CCBE1: variants seen among roughly 807,000 people sequenced by gnomAD.
CCBE1 encodes the protein collagen and calcium-binding EGF domain-containing protein 1.
In CCBE1, 37 loss-of-function variants were observed where a neutral mutation model predicts 50.0. The observed-to-expected ratio is 0.74, with a 90% CI of 0.57 to 0.97. CCBE1 has a LOEUF of 0.97. Among genes scored for constraint, CCBE1 ranks in the 50% least tolerant of loss-of-function variants. The probability of loss-of-function intolerance (pLI) is 0.00; values close to 1 mark genes in which losing one functional copy is unlikely to be tolerated. For missense variants in CCBE1, 538 were observed against 523.8 expected, an observed-to-expected ratio of 1.03 and a Z score of -0.26; for synonymous variants, 234 against 203.7, an observed-to-expected ratio of 1.15 and a Z score of -1.27.
chr18:59,485,688 G>A (rs1912788015), intron 2 of CCBE1, among the ~76,000 whole-genome samples: 1 of 151,668 alleles, frequency 6.6e-6, no homozygotes, highest in Non-Finnish European at 1.5e-5. Context: ...TCGGCTCCCT[G>A]CAACCTTTGC....
chr18:59,639,580 G>A (rs1007187755), intron 2 of CCBE1, among the ~76,000 whole-genome samples: 1 of 152,138 alleles, frequency 6.6e-6, no homozygotes, highest in African/African-American at 2.4e-5. Context: ...TTGAAAACTG[G>A]CACAAGACAA....
chr18:59,452,049 C>T (rs995426203), intron 6 of CCBE1, among the ~76,000 whole-genome samples: 1 of 152,138 alleles, frequency 6.6e-6, no homozygotes, highest in Non-Finnish European at 1.5e-5. Flanking sequence ...AGTGATAGGT[C>T]CTTTAAGTTT....
intron 2 of CCBE1, among the ~76,000 whole-genome samples, chr18:59,542,276 A>ACTGAATGTCT (rs376065354): frequency 6.6e-6 from 1 of 151,808 alleles, no homozygotes; most frequent in Non-Finnish European, 1.5e-5. Context: ...TCAGGTAGAA[A>ACTGAATGTCT]TCTTAATAAA....
intron 2 of CCBE1, among the ~76,000 whole-genome samples, chr18:59,544,585 C>G (rs1244630509): frequency 6.6e-6 from 1 of 152,188 alleles, no homozygotes; most frequent in Non-Finnish European, 1.5e-5. Context: ...TTTCGAGGTC[C>G]TCTTTTCCAT....
chr18:59,521,876 G>T (rs1476542222), intron 2 of CCBE1, among the ~76,000 whole-genome samples: 2 of 151,210 alleles, frequency 1.3e-5, no homozygotes, highest in African/African-American at 2.5e-5. Context: ...CTTTGGTTGG[G>T]TAAGTTTGGA....
intron 5 of CCBE1, among the ~76,000 whole-genome samples, chr18:59,455,951 G>A (rs998863596): frequency 6.6e-6 from 1 of 152,164 alleles, no homozygotes; most frequent in African/African-American, 2.4e-5. Context: ...GGGGAAGTCG[G>A]GTAATGCGTG....
At chr18:59,546,522 C>A (rs1384420898) in intron 2 of CCBE1, among the ~76,000 whole-genome samples, 3 of 152,222 alleles carry the variant, frequency 2.0e-5, no homozygotes, top group Non-Finnish European at 4.4e-5. Flanking sequence ...CAGTCCCCTG[C>A]AGGAAAGGCC....
At chr18:59,468,083 A>AC (rs1372807705) in intron 4 of CCBE1, among the ~76,000 whole-genome samples, 17 of 151,916 alleles carry the variant, frequency 1.1e-4, no homozygotes, top group African/African-American at 4.1e-4. Context: ...TGGTCCCCAA[A>AC]CCCCCAAACA....
intron 2 of CCBE1, among the ~76,000 whole-genome samples, chr18:59,562,245 T>A (rs1281999811): frequency 6.6e-6 from 1 of 152,176 alleles, no homozygotes. Context: ...GCTGACTGGC[T>A]AGGCATGAAC....
chr18:59,694,073 T>C (rs185496375), intron 2 of CCBE1, among the ~76,000 whole-genome samples: 7 of 152,214 alleles, frequency 4.6e-5, no homozygotes, highest in East Asian at 3.9e-4. Context: ...GGTTTTATCA[T>C]GTTGGCCAGA....
Position 59,583,942 on chromosome 18 carries a change from C to T in CCBE1, c.213-103704G>A, listed in dbSNP as rs113105638. ...TCAACCATTGTGGAAGTCAGTGTGGCGATTCCTCAGGGATCTAGAACAAGA... is the reference window on the plus strand; with the variant it reads ...TCAACCATTGTGGAAGTCAGTGTGGTGATTCCTCAGGGATCTAGAACAAGA... On this transcript the variant is annotated intron_variant, in intron 2 of 10. Coordinates refer to ENST00000439986, the MANE Select transcript of CCBE1 (RefSeq NM_133459.4). Among the ~76,000 whole-genome samples the T allele has an allele frequency of 1.1e-4, 17 of 152,204 alleles. 1 individual carries two copies. Among genetic ancestry groups the T allele is most frequent in the East Asian group, 3.9e-4 (2 of 5,170 alleles).
chr18:59,532,313 G>A (rs1428484475), intron 2 of CCBE1, among the ~76,000 whole-genome samples: 1 of 152,156 alleles, frequency 6.6e-6, no homozygotes, highest in Admixed American at 6.5e-5. Flanking sequence ...CCAAAATGCT[G>A]GGATTATAGG....
chr18:59,435,787 GGAGAA>G lies in CCBE1; in HGVS notation c.*116_*120del. The G allele has an allele frequency of 1.1e-6, 1 of 902,822 alleles. No homozygotes were observed. Among genetic ancestry groups the G allele is most frequent in the South Asian group, 1.3e-5 (1 of 75,614 alleles). 55.9% of individuals were successfully genotyped at this position (902,822 alleles called of 1,614,324 possible). A position where few individuals can be genotyped will look rare whatever the true frequency, so the allele number is the denominator to read the frequency against. ...GAAGAAGAGGAGTGGAGAGACGTCA[GGAGAA>G]GAGAAGAGAAAAATGTATGTTTTCT... is the stretch of plus-strand genomic sequence containing the variant. On this transcript the variant is annotated 3_prime_UTR_variant, in exon 11 of 11. Coordinates refer to ENST00000439986, the MANE Select transcript of CCBE1 (RefSeq NM_133459.4).
chr18:59,544,117 T>C (rs903778352), intron 2 of CCBE1, among the ~76,000 whole-genome samples: 6 of 152,214 alleles, frequency 3.9e-5, no homozygotes, highest in Admixed American at 2.0e-4. Flanking sequence ...TAAAATAATT[T>C]ATAAAATATC....
intron 2 of CCBE1, among the ~76,000 whole-genome samples, chr18:59,537,048 A>G (rs1434007212): frequency 6.6e-6 from 1 of 152,148 alleles, no homozygotes; most frequent in East Asian, 1.9e-4. Flanking sequence ...TAAACTAGAA[A>G]AAGCAAAGTT....
chr18:59,536,990 CA>C (rs34336757), intron 2 of CCBE1, among the ~76,000 whole-genome samples: 5,399 of 91,766 alleles, frequency 0.059, 215 homozygotes, highest in African/African-American at 0.16. Context: ...GACTCTGTCT[CA>C]AAAAAAAAAA....
chr18:59,539,224 A>G (rs1203309293), intron 2 of CCBE1, among the ~76,000 whole-genome samples: 31 of 152,028 alleles, frequency 2.0e-4, no homozygotes, highest in Admixed American at 2.0e-3. Context: ...AAACAGCAAG[A>G]AAATAATGAC....
At chr18:59,539,183 A>AC (rs1382119186) in intron 2 of CCBE1, among the ~76,000 whole-genome samples, 2 of 136,164 alleles carry the variant, frequency 1.5e-5, no homozygotes, top group African/African-American at 5.6e-5. Context: ...TATATTTAAA[A>AC]AACACACACA....
chr18:59,631,012 A>G (rs1183729304), intron 2 of CCBE1, among the ~76,000 whole-genome samples: 1 of 152,180 alleles, frequency 6.6e-6, no homozygotes, highest in African/African-American at 2.4e-5. Flanking sequence ...CTAGCATCCA[A>G]GCTTTATTTT....
Sources: allele counts gnomAD v4.1 joint callset (sites outside exome capture counted in the v4.1 genomes callset), GRCh38; gene constraint gnomAD v4.1.1; transcripts MANE v1.5; gene names NCBI Gene and HGNC (gene_info 2026-07-23, HGNC 2026-07-21).